SEMA6D: variants seen among roughly 807,000 people sequenced by gnomAD.
SEMA6D encodes semaphorin 6D.
In SEMA6D, 35 loss-of-function variants were observed where a neutral mutation model predicts 106.6. The observed-to-expected ratio is 0.33, with a 90% confidence interval of 0.25 to 0.44. The LOEUF (loss-of-function observed/expected upper bound fraction) is 0.44. Ranked by LOEUF, SEMA6D falls within the 20% of genes least tolerant of loss-of-function variation. The pLI is 1.00. For synonymous variants in SEMA6D, 499 were observed against 487.7 expected (o/e 1.02, Z -0.31); for missense variants, 1,185 against 1,345.9 (o/e 0.88, Z 1.87).
intron 1 of SEMA6D, among the ~76,000 whole-genome samples, chr15:47,407,400 C>CAAAAAAA (rs1272439298): frequency 3.5e-5 from 3 of 85,252 alleles, no homozygotes; most frequent in African/African-American, 7.4e-5. Context: ...AAAACAACAA[C>CAAAAAAA]AACAACAACA....
chr15:47,362,494 G>C (rs888887247), intron 1 of SEMA6D, among the ~76,000 whole-genome samples: 1 of 152,066 alleles, frequency 6.6e-6, no homozygotes, highest in Non-Finnish European at 1.5e-5. Context: ...TTTAAACTCT[G>C]GCCTCTCCGT....
At chr15:47,228,058 T>TTA (rs2031914276) in intron 1 of SEMA6D, among the ~76,000 whole-genome samples, 2 of 143,714 alleles carry the variant, frequency 1.4e-5, no homozygotes, top group African/African-American at 5.0e-5. Flanking sequence ...ATATATATTT[T>TTA]TATATATAAG....
intron 2 of SEMA6D, among the ~76,000 whole-genome samples, chr15:47,414,509 A>G (rs573948986): frequency 1.2e-4 from 18 of 152,330 alleles, no homozygotes; most frequent in African/African-American, 4.3e-4. Flanking sequence ...TAAGCCTCCA[A>G]GGAAGTGGCC....
intron 1 of SEMA6D, among the ~76,000 whole-genome samples, chr15:47,398,460 A>G (rs759754292): frequency 1.2e-4 from 19 of 152,168 alleles, no homozygotes; most frequent in Non-Finnish European, 2.9e-5. Context: ...CGCAGGTCGT[A>G]GGGTCTGTGT....
chr15:47,244,954 T>C lies in SEMA6D; in HGVS notation c.-239+60536T>C, dbSNP rs537501571. 3.9e-5 allele frequency among the ~76,000 whole-genome samples: 6 copies of C among 152,236 alleles called. No individual in the cohort carries two copies. The East Asian group carries it at 7.7e-4, about 20-fold the overall frequency. Reference sequence around the variant, plus strand: ...ATAAAAGAGAACATGCAATATTTGGTTTTCTGTTTCTGCAATAATTCGCTT... The same window carrying C: ...ATAAAAGAGAACATGCAATATTTGGCTTTCTGTTTCTGCAATAATTCGCTT... On this transcript the variant is annotated intron_variant, in intron 1 of 19. Coordinates refer to the SEMA6D transcript ENST00000558014.
chr15:47,385,571 G>A (rs1014567077), intron 1 of SEMA6D, among the ~76,000 whole-genome samples: 4 of 151,946 alleles, frequency 2.6e-5, no homozygotes, highest in Admixed American at 2.0e-4. Context: ...GTGTTCATAC[G>A]CATCTGAACT....
chr15:47,263,714 C>T (rs566657506), intron 1 of SEMA6D, among the ~76,000 whole-genome samples: 2 of 151,838 alleles, frequency 1.3e-5, no homozygotes, highest in Non-Finnish European at 2.9e-5. Context: ...CCAGCTCCAT[C>T]CATGTTGCTG....
At chr15:47,610,095 T>TG (rs1807309111) in intron 4 of SEMA6D, among the ~76,000 whole-genome samples, 1 of 152,236 alleles carries the variant, frequency 6.6e-6, no homozygotes, top group African/African-American at 2.4e-5. Context: ...GGGGTCTTAC[T>TG]AAGGAAGTAT....
intron 3 of SEMA6D, among the ~76,000 whole-genome samples, chr15:47,546,502 C>G (rs1345760010): frequency 1.3e-5 from 2 of 152,124 alleles, no homozygotes; most frequent in Non-Finnish European, 2.9e-5. Flanking sequence ...TGCACTGTAT[C>G]TCCAAGTATT....
At chr15:47,599,111 C>G (rs1345203807) in intron 3 of SEMA6D, among the ~76,000 whole-genome samples, 1 of 152,064 alleles carries the variant, frequency 6.6e-6, no homozygotes, top group Non-Finnish European at 1.5e-5. Context: ...CAGGCTAGAG[C>G]TCAGGAATCT....
At chr15:47,243,490 C>G (rs1268526610) in intron 1 of SEMA6D, among the ~76,000 whole-genome samples, 1 of 150,650 alleles carries the variant, frequency 6.6e-6, no homozygotes, top group Non-Finnish European at 1.5e-5. Flanking sequence ...TTGATTTTAA[C>G]TTGAATAGTT....
At chr15:47,226,487 C>T (rs574011912) in intron 1 of SEMA6D, among the ~76,000 whole-genome samples, 6 of 152,204 alleles carry the variant, frequency 3.9e-5, no homozygotes, top group South Asian at 2.1e-4. Context: ...AGGTCACAGA[C>T]GCAAAGTCCA....
At chr15:47,487,045 TAAAC>T (rs1001295229) in intron 3 of SEMA6D, among the ~76,000 whole-genome samples, 10 of 152,296 alleles carry the variant, frequency 6.6e-5, no homozygotes, top group East Asian at 1.9e-4. Flanking sequence ...CAATATTAAA[TAAAC>T]AAATATGCAA....
chr15:47,714,958 G>A (rs2079083795), upstream of SEMA6D, among the ~76,000 whole-genome samples: 1 of 152,154 alleles, frequency 6.6e-6, no homozygotes, highest in Non-Finnish European at 1.5e-5. Context: ...AGTGTCGAGT[G>A]GGGAAGACAT....
chr15:47,206,177 T>C (rs1203536360), intron 1 of SEMA6D, among the ~76,000 whole-genome samples: 1 of 152,330 alleles, frequency 6.6e-6, no homozygotes, highest in African/African-American at 2.4e-5. Flanking sequence ...AAATATCCAA[T>C]ATGTATTAAT....
chr15:47,495,319 C>T (rs184822947), intron 3 of SEMA6D, among the ~76,000 whole-genome samples: 46 of 151,978 alleles, frequency 3.0e-4, no homozygotes, highest in Non-Finnish European at 5.6e-4. Context: ...GTTCTATTCT[C>T]CCTTAAAGCT....
chr15:47,581,347 A>C (rs144410365), intron 3 of SEMA6D: 22 of 493,766 alleles, frequency 4.5e-5, no homozygotes, highest in African/African-American at 4.2e-4. Flanking sequence ...CTTATGGCAG[A>C]ACTACATATA....
intron 3 of SEMA6D, among the ~76,000 whole-genome samples, chr15:47,573,871 C>T (rs183737938): frequency 6.6e-6 from 1 of 152,296 alleles, no homozygotes; most frequent in Non-Finnish European, 1.5e-5. Context: ...TCACTTTATC[C>T]TACTCCATAC....
chr15:47,505,389 A>G (rs2044006133), intron 3 of SEMA6D, among the ~76,000 whole-genome samples: 1 of 152,212 alleles, frequency 6.6e-6, no homozygotes, highest in Admixed American at 6.5e-5. Context: ...GACAACACTT[A>G]AAGTTTAAAG....
Sources: gnomAD v4.1 joint callset for allele counts (sites outside exome capture counted in the v4.1 genomes callset) on GRCh38, gnomAD v4.1.1 for gene constraint, MANE v1.5 for transcripts, NCBI Gene and HGNC (gene_info 2026-07-23, HGNC 2026-07-21) for gene names.